The following NKAIN3 variants were observed in gnomAD, a reference collection of about 807,000 sequenced individuals.
NKAIN3 encodes the protein sodium/potassium transporting ATPase interacting 3.
In NKAIN3, 25 loss-of-function variants were observed where a neutral mutation model predicts 30.2. The observed-to-expected ratio is 0.83, with a 90% CI of 0.60 to 1.16. The LOEUF (loss-of-function observed/expected upper bound fraction) is 1.16. Among genes scored for constraint, NKAIN3 ranks in the 50% most tolerant of loss-of-function variants. The probability of loss-of-function intolerance (pLI) is 0.00; values close to 1 mark genes in which losing one functional copy is unlikely to be tolerated. For synonymous variants in NKAIN3, 91 were observed against 89.6 expected (o/e 1.02, Z -0.09); for missense variants, 225 against 254.1 (o/e 0.89, Z 0.78).
intron 4 of NKAIN3, among the ~76,000 whole-genome samples, chr8:62,850,808 G>A (rs1325402307): frequency 6.6e-6 from 1 of 152,034 alleles, no homozygotes; most frequent in Non-Finnish European, 1.5e-5. Flanking sequence ...CTGTTCCATT[G>A]GTCTATATCT....
intron 1 of NKAIN3, among the ~76,000 whole-genome samples, chr8:62,403,596 A>T (rs893224132): frequency 5.3e-5 from 8 of 152,204 alleles, no homozygotes; most frequent in African/African-American, 1.9e-4. Flanking sequence ...GGCAGCTACC[A>T]TGCGGTATTG....
rs956934487 is a variant in NKAIN3, at chr8:62,965,518, T to C, written c.*111T>C. The C allele has an allele frequency of 3.9e-5, 38 of 985,148 alleles. No homozygotes were observed. Among genetic ancestry groups the C allele is most frequent in the Non-Finnish European group, 3.9e-5 (32 of 829,866 alleles). 61.0% of individuals were successfully genotyped at this position (985,148 alleles called of 1,614,324 possible). A position where few individuals can be genotyped will look rare whatever the true frequency, so the allele number is the denominator to read the frequency against. Reference sequence around the variant, plus strand: ...TCCCACGAATCATGGAGCATTTTGGTCACAGCCTTTGTATTATTAGCATTG... The same window carrying C: ...TCCCACGAATCATGGAGCATTTTGGCCACAGCCTTTGTATTATTAGCATTG... On this transcript the variant is annotated 3_prime_UTR_variant, in exon 7 of 7. Transcript: ENST00000623646.
intron 1 of NKAIN3, among the ~76,000 whole-genome samples, chr8:62,495,408 A>G (rs923539205): frequency 1.3e-5 from 2 of 151,974 alleles, no homozygotes; most frequent in African/African-American, 4.8e-5. Flanking sequence ...AAATGCCATC[A>G]TGTTTGAGAA....
intron 1 of NKAIN3, among the ~76,000 whole-genome samples, chr8:62,480,542 A>T (rs1271990837): frequency 1.3e-5 from 2 of 151,846 alleles, no homozygotes; most frequent in East Asian, 1.9e-4. Context: ...TAAAAAAAAA[A>T]AAAAAAAGGA....
chr8:62,815,292 C>T (rs1818639203), intron 4 of NKAIN3, among the ~76,000 whole-genome samples: 1 of 152,030 alleles, frequency 6.6e-6, no homozygotes, highest in South Asian at 2.1e-4. Flanking sequence ...ACCAGAGGTA[C>T]AAGGAGGAAC....
intron 4 of NKAIN3, among the ~76,000 whole-genome samples, chr8:62,782,468 C>T (rs1271750740): frequency 1.3e-5 from 2 of 151,990 alleles, no homozygotes; most frequent in South Asian, 2.1e-4. Context: ...GACACCTGCA[C>T]TCACATGTCT....
intron 3 of NKAIN3, among the ~76,000 whole-genome samples, chr8:62,604,897 G>A (rs1269290036): frequency 6.6e-6 from 1 of 152,016 alleles, no homozygotes. Context: ...GAAGTTTCTG[G>A]TTATCGTCCA....
At chr8:62,871,843 A>G (rs1242776443) in intron 4 of NKAIN3, among the ~76,000 whole-genome samples, 2 of 152,228 alleles carry the variant, frequency 1.3e-5, no homozygotes, top group African/African-American at 4.8e-5. Flanking sequence ...TATCTCAGCT[A>G]TGCTTTATTC....
At chr8:62,900,708 A>T (rs1214518269) in intron 4 of NKAIN3, among the ~76,000 whole-genome samples, 1 of 151,506 alleles carries the variant, frequency 6.6e-6, no homozygotes, top group African/African-American at 2.4e-5. Flanking sequence ...CTTCACAATA[A>T]TTGGTGAAGT....
At chr8:62,431,849 G>T (rs376976335) in intron 1 of NKAIN3, among the ~76,000 whole-genome samples, 2 of 122,138 alleles carry the variant, frequency 1.6e-5, no homozygotes, top group African/African-American at 6.3e-5. Context: ...GAACTGAAGA[G>T]AAGCTTATAA....
chr8:62,302,960 G>A (rs988044696), intron 1 of NKAIN3, among the ~76,000 whole-genome samples: 2 of 150,210 alleles, frequency 1.3e-5, no homozygotes, highest in African/African-American at 5.0e-5. Flanking sequence ...GTGGCCTCTT[G>A]ACACATTCAC....
chr8:62,415,563 A>G (rs1804418339), intron 1 of NKAIN3, among the ~76,000 whole-genome samples: 1 of 150,620 alleles, frequency 6.6e-6, no homozygotes, highest in Non-Finnish European at 1.5e-5. Flanking sequence ...CTCTTTCAAC[A>G]CCTTCATTTT....
chr8:62,829,310 A>C (rs1448039715), intron 4 of NKAIN3, among the ~76,000 whole-genome samples: 1 of 152,206 alleles, frequency 6.6e-6, no homozygotes, highest in Admixed American at 6.5e-5. Flanking sequence ...ACTCAGTTTT[A>C]ACAAGCTTCC....
At chr8:62,819,469 G>A (rs576246519) in intron 4 of NKAIN3, among the ~76,000 whole-genome samples, 29 of 151,974 alleles carry the variant, frequency 1.9e-4, no homozygotes, top group East Asian at 7.7e-4. Context: ...AACATTTTAC[G>A]TAGCAGATTC....
At chr8:62,257,884 G>A (rs764444233) in intron 1 of NKAIN3, among the ~76,000 whole-genome samples, 5 of 151,204 alleles carry the variant, frequency 3.3e-5, no homozygotes, top group South Asian at 2.1e-4. Context: ...TTTTCATTCC[G>A]GTTACTTACA....
In NKAIN3 at chr8:62,484,774, A is replaced by G. The variant is rs558368015; in HGVS notation, c.55-94765A>G. ...TGGGGAACCTGGGTCTTGGGCCATC[A>G]CTTTCTGATGTAGCCTCTGCTGCAG... On this transcript the variant is annotated intron_variant, in intron 1 of 6. Transcript: ENST00000623646. 5.9e-5 allele frequency among the ~76,000 whole-genome samples: 9 copies of G among 152,230 alleles called. No homozygotes were observed. In the South Asian group the frequency reaches 1.7e-3, roughly 28 times the overall value.
At chr8:62,690,320 A>G (rs1222232543) in intron 3 of NKAIN3, among the ~76,000 whole-genome samples, 1 of 152,178 alleles carries the variant, frequency 6.6e-6, no homozygotes, top group East Asian at 1.9e-4. Flanking sequence ...AGTCCTGACT[A>G]CACACCTTCC....
chr8:62,310,993 C>A (rs1169830000), intron 1 of NKAIN3, among the ~76,000 whole-genome samples: 1 of 150,468 alleles, frequency 6.6e-6, no homozygotes. Context: ...TAGTGCCATA[C>A]AATTTCTAGA....
chr8:62,676,308 C>T (rs1312545135), intron 3 of NKAIN3, among the ~76,000 whole-genome samples: 1 of 152,204 alleles, frequency 6.6e-6, no homozygotes, highest in East Asian at 1.9e-4. Context: ...GTGGCTCATG[C>T]CTGTAATCCC....
Sources: allele counts gnomAD v4.1 joint callset (sites outside exome capture counted in the v4.1 genomes callset), GRCh38; gene constraint gnomAD v4.1.1; transcripts MANE v1.5; gene names NCBI Gene and HGNC (gene_info 2026-07-23, HGNC 2026-07-21).